Variants in NIM1K observed in about 807,000 individuals in gnomAD.
NIM1K encodes NIM1 serine/threonine protein kinase.
NIM1K carries 35 observed loss-of-function variants against 37.1 expected under a neutral mutation model. The observed-to-expected ratio is 0.94, with a 90% confidence interval of 0.72 to 1.25. NIM1K has a LOEUF of 1.25. NIM1K is among the 50% of genes most tolerant of loss of function. NIM1K has a pLI of 0.00. For missense variants in NIM1K, 564 were observed against 548.0 expected, an observed-to-expected ratio of 1.03 and a Z score of -0.29; for synonymous variants, 234 against 206.6, an observed-to-expected ratio of 1.13 and a Z score of -1.14.
At chr5:43,272,840 A>T (rs1189466431) in intron 2 of NIM1K, among the ~76,000 whole-genome samples, 4 of 152,074 alleles carry the variant, frequency 2.6e-5, no homozygotes, top group Admixed American at 6.6e-5. Flanking sequence ...TCCATTCCAA[A>T]TAGTAACCAT....
intron 1 of NIM1K, among the ~76,000 whole-genome samples, chr5:43,194,467 C>T (rs1751881493): frequency 6.6e-6 from 1 of 152,070 alleles, no homozygotes; most frequent in Non-Finnish European, 1.5e-5. Flanking sequence ...GAGGTGTGTG[C>T]TTTTTTTCTA....
At chr5:43,238,109 C>T (rs1275145145) in intron 1 of NIM1K, among the ~76,000 whole-genome samples, 1 of 140,138 alleles carries the variant, frequency 7.1e-6, no homozygotes, top group Non-Finnish European at 1.5e-5. Context: ...GTGGCACGAT[C>T]TTGGCTCACT....
intron 1 of NIM1K, among the ~76,000 whole-genome samples, chr5:43,201,383 T>C (rs1639028427): frequency 6.8e-6 from 1 of 146,194 alleles, no homozygotes; most frequent in Non-Finnish European, 1.5e-5. Context: ...CACTCCAGCC[T>C]GGGTGACAGA....
chr5:43,219,888 G>A (rs958004733), intron 1 of NIM1K, among the ~76,000 whole-genome samples: 12 of 151,686 alleles, frequency 7.9e-5, no homozygotes, highest in African/African-American at 2.9e-4. Flanking sequence ...TACCAAACCC[G>A]GCTAATTTTT....
chr5:43,255,633 C>T (rs1202962331), intron 2 of NIM1K, among the ~76,000 whole-genome samples: 1 of 151,702 alleles, frequency 6.6e-6, no homozygotes, highest in Non-Finnish European at 1.5e-5. Context: ...CCTTTAGTCT[C>T]AGCTACTCAG....
chr5:43,206,088 A>C (rs1752106304), intron 1 of NIM1K, among the ~76,000 whole-genome samples: 2 of 152,258 alleles, frequency 1.3e-5, no homozygotes, highest in South Asian at 4.1e-4. Flanking sequence ...AATATTGAAA[A>C]TATGAAGATA....
chr5:43,253,152 TTA>T (rs1036757528), intron 2 of NIM1K, among the ~76,000 whole-genome samples: 7 of 138,436 alleles, frequency 5.1e-5, no homozygotes, highest in African/African-American at 1.9e-4. Flanking sequence ...CTTCATTCCT[TTA>T]TATATATATA....
rs139919776 is a variant in NIM1K, at chr5:43,207,411, A to G, written c.-695+15000A>G. On this transcript the variant is annotated intron_variant, in intron 1 of 3. Coordinates refer to ENST00000326035, the MANE Select transcript of NIM1K (RefSeq NM_153361.4). Reference sequence around the variant, plus strand: ...CGAAAAACGTGTGGCGATGTCTTAGACAATCTTAAAGGAGACTGCTATCAG... The same window carrying G: ...CGAAAAACGTGTGGCGATGTCTTAGGCAATCTTAAAGGAGACTGCTATCAG... 4.4e-3 allele frequency: 3,822 copies of G among 863,596 alleles called. 22 individuals carry two copies. Among genetic ancestry groups the G allele is most frequent in the Middle Eastern group, 0.033 (93 of 2,850 alleles). The allele number at this position is 863,596 out of a possible 1,614,324, so 53.5% of individuals were successfully genotyped here. A position where few individuals can be genotyped will look rare whatever the true frequency, so the allele number is the denominator to read the frequency against.
intron 1 of NIM1K, among the ~76,000 whole-genome samples, chr5:43,201,341 G>A (rs1453148747): frequency 2.7e-5 from 4 of 150,384 alleles, no homozygotes; most frequent in African/African-American, 4.9e-5. Flanking sequence ...CCTGGGAGGC[G>A]GAGCTTGCAG....
In NIM1K at chr5:43,241,075, G is replaced by C. The variant is rs137969511; in HGVS notation, c.-694-4007G>C. ...AGCAATTGTACCGATTTATACTTCA[G>C]TAACAATGAATGAGAATTCCTGTTT... is the stretch of plus-strand genomic sequence containing the variant. On this transcript the variant is annotated intron_variant, in intron 1 of 3. Transcript: ENST00000326035. Among the ~76,000 whole-genome samples the C allele has an allele frequency of 1.7e-3, 260 of 152,060 alleles. 4 individuals carry two copies. Among genetic ancestry groups the C allele is most frequent in the African/African-American group, 6.2e-3 (256 of 41,372 alleles).
chr5:43,250,804 C>T (rs932060359), intron 2 of NIM1K, among the ~76,000 whole-genome samples: 1 of 152,204 alleles, frequency 6.6e-6, no homozygotes, highest in African/African-American at 2.4e-5. Context: ...AAGGCTACTG[C>T]ATAAGGCCAA....
At chr5:43,239,563 G>T (rs745939815) in intron 1 of NIM1K, among the ~76,000 whole-genome samples, 2 of 151,802 alleles carry the variant, frequency 1.3e-5, no homozygotes, top group Non-Finnish European at 1.5e-5. Context: ...TTTCACTCTT[G>T]TTTCCCAGGC....
intron 1 of NIM1K, among the ~76,000 whole-genome samples, chr5:43,208,416 A>G (rs1189023218): frequency 1.3e-5 from 2 of 152,126 alleles, no homozygotes; most frequent in African/African-American, 4.8e-5. Flanking sequence ...CAGCCTGACC[A>G]ATATGGTGAA....
chr5:43,277,779 C>CCT, intron 3 of NIM1K, among the ~76,000 whole-genome samples: 1 of 127,508 alleles, frequency 7.8e-6, no homozygotes, highest in African/African-American at 3.2e-5. Flanking sequence ...CCCCCCTCTC[C>CCT]GTGTGTGTGT....
intron 1 of NIM1K, among the ~76,000 whole-genome samples, chr5:43,221,249 C>A (rs527427763): frequency 6.6e-6 from 1 of 151,902 alleles, no homozygotes; most frequent in African/African-American, 2.4e-5. Context: ...CTGTGGTGGG[C>A]CGATCACTTG....
At chr5:43,216,535 G>C (rs146373958) in intron 1 of NIM1K, among the ~76,000 whole-genome samples, 1 of 152,318 alleles carries the variant, frequency 6.6e-6, no homozygotes, top group East Asian at 1.9e-4. Flanking sequence ...GTGCATGAAG[G>C]CTTTTTGGAA....
chr5:43,215,178 A>G (rs1472489417), intron 1 of NIM1K, among the ~76,000 whole-genome samples: 1 of 152,220 alleles, frequency 6.6e-6, no homozygotes, highest in East Asian at 1.9e-4. Context: ...TCAATTAGCA[A>G]GTACTATGGA....
chr5:43,253,338 A>G (rs1752897631), intron 2 of NIM1K, among the ~76,000 whole-genome samples: 2 of 151,554 alleles, frequency 1.3e-5, no homozygotes, highest in South Asian at 4.2e-4. Context: ...AGAGTAAGGC[A>G]GCAAGAATGT....
intron 2 of NIM1K, among the ~76,000 whole-genome samples, chr5:43,269,723 A>G (rs890961523): frequency 1.3e-5 from 2 of 151,774 alleles, no homozygotes; most frequent in African/African-American, 4.8e-5. Flanking sequence ...GGTTCATGCC[A>G]TTCTCCTGCC....
Sources: allele counts gnomAD v4.1 joint callset (sites outside exome capture counted in the v4.1 genomes callset), GRCh38; gene constraint gnomAD v4.1.1; transcripts MANE v1.5; gene names NCBI Gene and HGNC (gene_info 2026-07-23, HGNC 2026-07-21).